Variants in REG4 observed in about 807,000 individuals in gnomAD.
The protein encoded by REG4 is regenerating islet-derived protein 4.
A neutral mutation model predicts 22.3 loss-of-function variants in REG4; 16 were observed. That is an observed-to-expected ratio of 0.72 (90% CI 0.49 to 1.09). The LOEUF (loss-of-function observed/expected upper bound fraction) is 1.09, where lower values mean the gene tolerates loss of function less well. Among genes scored for constraint, REG4 ranks in the 50% least tolerant of loss-of-function variants. The probability of loss-of-function intolerance (pLI) is 0.00; values close to 1 mark genes in which losing one functional copy is unlikely to be tolerated. For synonymous variants in REG4, 71 were observed against 69.2 expected, an observed-to-expected ratio of 1.03 and a Z score of -0.13; for missense variants, 214 against 193.9, an observed-to-expected ratio of 1.10 and a Z score of -0.61.
rs142428839 is a variant in REG4, at chr1:119,802,346, T to A, written c.165+722A>T. On this transcript the variant is annotated intron_variant, in intron 3 of 5. Transcript: ENST00000256585. ...ACCTTCATAGCCTCAGTAGCTGGCA[T>A]GTGGTAGGTGCTTCGTTCTTGTTTT... 44 of 985,884 alleles carry A rather than the reference T, an allele frequency of 4.5e-5. No individual in the cohort carries two copies. The East Asian group carries it at 3.2e-3, about 71-fold the overall frequency. The allele number at this position is 985,884 out of a possible 1,614,324, so 61.1% of individuals were successfully genotyped here.
chr1:119,802,680 A>G (rs1654148342), intron 3 of REG4: 1 of 1,400,170 alleles, frequency 7.1e-7, no homozygotes, highest in Non-Finnish European at 9.2e-7. Context: ...TGCTCCAGGC[A>G]TGTCTACACA....
At chr1:119,807,374 T>C (rs1654352664) in intron 2 of REG4, among the ~76,000 whole-genome samples, 1 of 152,178 alleles carries the variant, frequency 6.6e-6, no homozygotes, top group Non-Finnish European at 1.5e-5. Context: ...AAGAGAGAAA[T>C]TGAAGGACCT....
Position 119,808,713 on chromosome 1 carries a change from T to C in REG4, c.57A>G (p.Gly19=). The C allele has an allele frequency of 3.1e-6, 5 of 1,613,636 alleles. No homozygotes were observed. The highest frequency in any genetic ancestry group is 4.2e-6 in the Non-Finnish European group (5 of 1,179,556). Residue 19 remains glycine (G), a synonymous_variant, in exon 2 of 6, where the codon GGA becomes GGG. Transcript: ENST00000256585. ...LLLLSCLAKT[G]VLGDIIMRPS... ...GTGATGGATACTCACCACCCAGGAC[T>C]CCTGTTTTGGCCAGGCAGCTCAGCA...
chr1:119,795,701 C>A (rs146510126), intron 5 of REG4, among the ~76,000 whole-genome samples: 525 of 152,288 alleles, frequency 3.4e-3, no homozygotes, highest in Non-Finnish European at 5.7e-3. Context: ...GTGCCCCTCC[C>A]ACTCCTGGTT....
At position 119,798,528 on chromosome 1, in the gene REG4, G is replaced by A; in HGVS notation, c.378C>T (p.Asn126=). The part of the protein sequence containing the change: ...RSWSGKSMGG[N]KHCAEMSSNN... ...TGGAGCTCATCTCAGCACAGTGCTT[G>A]TTCCCACCCATGGACTTGCCAGACC... The change falls in exon 5 of 6, where the codon AAC becomes AAT. Residue 126 remains asparagine (N), a synonymous_variant. Coordinates refer to ENST00000256585, the MANE Select transcript of REG4 (RefSeq NM_032044.4). 3 of 1,614,170 alleles carry A rather than the reference G, an allele frequency of 1.9e-6. No individual in the cohort carries two copies. The highest frequency in any genetic ancestry group is 2.5e-6 in the Non-Finnish European group (3 of 1,179,986).
chr1:119,794,767 G>A lies in REG4; in HGVS notation c.410-82C>T, dbSNP rs1653884976. On this transcript the variant is annotated intron_variant, in intron 5 of 5. Transcript: ENST00000256585. ...AGTTATCTGGGTGTTTTTCTTGGAA[G>A]CATAGATAAGGCAATATGATGGTTG... The A allele has an allele frequency of 7.7e-6, 9 of 1,170,980 alleles. No individual in the cohort carries two copies. In the Admixed American group the frequency reaches 1.5e-4, roughly 20 times the overall value. The allele number at this position is 1,170,980 out of a possible 1,614,324, so 72.5% of individuals were successfully genotyped here. A position where few individuals can be genotyped will look rare whatever the true frequency, so the allele number is the denominator to read the frequency against.
intron 3 of REG4, chr1:119,802,361 G>A (rs587756175): frequency 2.0e-4 from 195 of 986,212 alleles, no homozygotes; most frequent in East Asian, 7.9e-4. Context: ...TAGGTGCTTC[G>A]TTCTTGTTTT....
intron 2 of REG4, 62 bp from the exon 3 acceptor site, chr1:119,803,227 G>T: frequency 1.4e-6 from 2 of 1,463,782 alleles, no homozygotes; most frequent in Non-Finnish European, 1.8e-6. Flanking sequence ...TCCCAGACTT[G>T]ATACAGTTTG....
In REG4 at chr1:119,798,605, GCAA is replaced by G. The variant is rs1429902248; in HGVS notation, c.304-6_304-4del. The stretch of plus-strand genomic sequence containing the variant: ...TCAATCCACTGCCACTGCTGCCTCT[GCAA>G]CAACAGGAGATGGAGAAGTGTACAG... On this transcript the variant is annotated splice_region_variant and splice_polypyrimidine_tract_variant and intron_variant, in intron 4 of 5. Transcript: ENST00000256585. 6.2e-7 allele frequency: 1 copy of G among 1,613,268 alleles called. No individual in the cohort carries two copies. Among genetic ancestry groups the G allele is most frequent in the Non-Finnish European group, 8.5e-7 (1 of 1,179,218 alleles).
At chr1:119,802,861 G>A (rs1310390908) in intron 3 of REG4, 10 of 1,545,646 alleles carry the variant, frequency 6.5e-6, no homozygotes, top group Admixed American at 3.9e-5. Flanking sequence ...GCCCATCTAG[G>A]GTCTGGCATA....
rs1256038101 is a variant in REG4 at position 119,799,820 on chromosome 1, T to G, written c.208A>C (p.Ile70Leu). Residue 70 changes from isoleucine (I) to leucine (L), a missense_variant, in exon 4 of 6, where the codon ATC becomes CTC. Coordinates refer to ENST00000256585, the MANE Select transcript of REG4 (RefSeq NM_032044.4). ...GTGCTGGCTTCCTTTAAACTCAGGATAGATGCCAGGTGGGCTCCGTTTCCG... is the reference window on the plus strand; with the variant it reads ...GTGCTGGCTTCCTTTAAACTCAGGAGAGATGCCAGGTGGGCTCCGTTTCCG... ...SYGNGAHLASILSLKEASTIA... is the reference protein window; with the variant it reads ...SYGNGAHLASLLSLKEASTIA... 8 of 1,614,156 alleles carry G rather than the reference T, an allele frequency of 5.0e-6. No homozygotes were observed. Among genetic ancestry groups the G allele is most frequent in the South Asian group, 2.2e-5 (2 of 91,074 alleles).
chr1:119,808,035 G>A (rs960685824), intron 2 of REG4, among the ~76,000 whole-genome samples: 1 of 152,198 alleles, frequency 6.6e-6, no homozygotes, highest in African/African-American at 2.4e-5. Context: ...TAATCTTACT[G>A]TGTGACATTG....
Position 119,794,021 on chromosome 1 carries a change from G to A in REG4, c.*597C>T. On this transcript the variant is annotated 3_prime_UTR_variant, in exon 6 of 6. Transcript: ENST00000256585. ...ATGAAGGAGACGAAGAAGCACTTGG[G>A]TGTATTTCTTGGTCTTATTTCACTT... 2.1e-6 allele frequency: 1 copy of A among 487,374 alleles called. No homozygotes were observed. Among genetic ancestry groups the A allele is most frequent in the Non-Finnish European group, 4.3e-6 (1 of 233,976 alleles). The allele number at this position is 487,374 out of a possible 1,614,324, so 30.2% of individuals were successfully genotyped here.
chr1:119,800,447 G>A (rs1654064298), intron 3 of REG4, among the ~76,000 whole-genome samples: 1 of 152,124 alleles, frequency 6.6e-6, no homozygotes, highest in African/African-American at 2.4e-5. Context: ...GCTCTTTGCG[G>A]GACACCTCCA....
At chr1:119,799,214 C>T (rs587715097) in intron 4 of REG4, among the ~76,000 whole-genome samples, 1 of 151,866 alleles carries the variant, frequency 6.6e-6, no homozygotes, top group African/African-American at 2.4e-5. Context: ...ACCAGCTGTT[C>T]CTTACAAAAA....
In REG4 at chr1:119,794,565, A is replaced by G; in HGVS notation, c.*53T>C. 6.7e-7 allele frequency: 1 copy of G among 1,496,742 alleles called. No homozygotes were observed. Among genetic ancestry groups the G allele is most frequent in the Non-Finnish European group, 9.3e-7 (1 of 1,073,158 alleles). The allele number at this position is 1,496,742 out of a possible 1,614,324, so 92.7% of individuals were successfully genotyped here. On this transcript the variant is annotated 3_prime_UTR_variant, in exon 6 of 6. Coordinates refer to ENST00000256585, the MANE Select transcript of REG4 (RefSeq NM_032044.4). ...AATGAGCAGATTTAGCCAGGCTAGC[A>G]GAAAGGAAGAGGACGGGGCTGTGCA...
intron 2 of REG4, among the ~76,000 whole-genome samples, chr1:119,806,382 G>A (rs1283075428): frequency 2.6e-5 from 4 of 152,174 alleles, no homozygotes; most frequent in Non-Finnish European, 4.4e-5. Flanking sequence ...AGAAGACATC[G>A]TGTCCCAGGA....
intron 3 of REG4, chr1:119,802,611 G>A (rs915195036): frequency 1.7e-5 from 22 of 1,330,330 alleles, no homozygotes; most frequent in African/African-American, 6.0e-5. Flanking sequence ...GTAGAGCAGC[G>A]GAAAAGTTTC....
At chr1:119,805,545 AG>A (rs1654278611) in intron 2 of REG4, among the ~76,000 whole-genome samples, 1 of 152,136 alleles carries the variant, frequency 6.6e-6, no homozygotes, top group East Asian at 1.9e-4. Flanking sequence ...ACACACGCAG[AG>A]GACTTGGAAG....
Sources: allele counts gnomAD v4.1 joint callset (sites outside exome capture counted in the v4.1 genomes callset), GRCh38; gene constraint gnomAD v4.1.1; transcripts MANE v1.5; gene names NCBI Gene and HGNC (gene_info 2026-07-23, HGNC 2026-07-21).